PDGFRB: variants seen among roughly 807,000 people sequenced by gnomAD.
The protein encoded by PDGFRB is platelet-derived growth factor receptor beta.
A neutral mutation model predicts 120.2 loss-of-function variants in PDGFRB; 42 were observed. The observed-to-expected ratio is 0.35, with a 90% CI of 0.27 to 0.45. PDGFRB has a LOEUF of 0.45. Among genes scored for constraint, PDGFRB ranks in the 20% least tolerant of loss-of-function variants. PDGFRB has a pLI of 1.00. For missense variants in PDGFRB, 1,149 were observed against 1,476.3 expected (o/e 0.78, Z 3.63); for synonymous variants, 586 against 606.8 (o/e 0.97, Z 0.50).
At chr5:150,130,836 C>T (rs1381222916) in intron 8 of PDGFRB, among the ~76,000 whole-genome samples, 174 bp from the exon 9 acceptor site, 2 of 152,126 alleles carry the variant, frequency 1.3e-5, no homozygotes, top group Non-Finnish European at 2.9e-5. Context: ...CTTCTGGGTA[C>T]TTCAAAGGGA....
At chr5:150,148,980 G>A (rs1761000459) in intron 1 of PDGFRB, among the ~76,000 whole-genome samples, 1 of 152,188 alleles carries the variant, frequency 6.6e-6, no homozygotes, top group South Asian at 2.1e-4. Context: ...GTAGGTGATG[G>A]CCTGGGAAGG....
At chr5:150,135,437 GTCTGCTTT>G in intron 3 of PDGFRB, 110 bp downstream of exon 3, 1 of 732,636 alleles carries the variant, frequency 1.4e-6, no homozygotes, top group Non-Finnish European at 2.3e-6. Flanking sequence ...TTCCATGATT[GTCTGCTTT>G]TCTAGGATGG....
rs919555441 is a variant in PDGFRB at position 150,120,682 on chromosome 5, A to G, written c.2586+206T>C. On this transcript the variant is annotated intron_variant, in intron 18 of 22. Transcript: ENST00000261799. This position sits in a 1 kb window ranked among gnomAD's most constrained non-coding sequence, Gnocchi z 4.3. ...TATAGCCAGCCCTCCCCGCCGCTAT[A>G]CTTGCTCCATGCACTCCTGGGCGGC... Among the ~76,000 whole-genome samples, 7 of 151,862 alleles carry G rather than the reference A, an allele frequency of 4.6e-5. No individual in the cohort carries two copies. The highest frequency in any genetic ancestry group is 2.0e-4 in the Admixed American group (3 of 15,262).
At chr5:150,152,729 T>C (rs947977535) in intron 1 of PDGFRB, among the ~76,000 whole-genome samples, 1 of 152,204 alleles carries the variant, frequency 6.6e-6, no homozygotes, top group African/African-American at 2.4e-5. Flanking sequence ...TCCAGGTCCC[T>C]TCTGTGGGCA....
intron 2 of PDGFRB, 48 bp from the exon 3 acceptor site, chr5:150,135,926 C>T (rs878897152): frequency 3.6e-6 from 5 of 1,380,454 alleles, no homozygotes; most frequent in Non-Finnish European, 3.9e-6. Flanking sequence ...GCTTCAGCAC[C>T]TCTCCCAAGG....
At chr5:150,124,942 C>T (rs938662767) in intron 12 of PDGFRB, 111 bp from the exon 13 acceptor site, 2 of 597,756 alleles carry the variant, frequency 3.3e-6, no homozygotes, top group African/African-American at 1.9e-5. Context: ...CCCTTCCTGC[C>T]CAGTGAGGGG....
At chr5:150,150,719 C>T (rs1042510829) in intron 1 of PDGFRB, among the ~76,000 whole-genome samples, 7 of 152,068 alleles carry the variant, frequency 4.6e-5, no homozygotes, top group African/African-American at 1.4e-4. Context: ...AGTGGGCTTC[C>T]ACACTGGAAG....
intron 10 of PDGFRB, among the ~76,000 whole-genome samples, chr5:150,128,799 T>G (rs948755968): frequency 2.6e-5 from 4 of 152,252 alleles, no homozygotes; most frequent in African/African-American, 9.6e-5. Flanking sequence ...CGGAGGGAAT[T>G]GCCAAGTTCC....
In PDGFRB at chr5:150,151,972, G is replaced by A. The variant is rs746611382; in HGVS notation, c.-7+3425C>T. Among the ~76,000 whole-genome samples, 21 of 151,168 alleles carry A rather than the reference G, an allele frequency of 1.4e-4. 1 individual carries two copies. The highest frequency in any genetic ancestry group is 1.4e-3 in the Admixed American group (21 of 15,156). On this transcript the variant is annotated intron_variant, in intron 1 of 22. Transcript: ENST00000261799. Reference sequence around the variant, plus strand: ...TTTTTTGAGACAGTCTTGCCCTGTCGCTTAGGCTCACTGCAATCTCCGCCT... The same window carrying A: ...TTTTTTGAGACAGTCTTGCCCTGTCACTTAGGCTCACTGCAATCTCCGCCT...
Position 150,120,008 on chromosome 5 carries a change from A to T in PDGFRB, c.2698+4T>A. 7.0e-7 allele frequency: 1 copy of T among 1,438,652 alleles called. No individual in the cohort carries two copies. The highest frequency in any genetic ancestry group is 9.8e-7 in the Non-Finnish European group (1 of 1,019,612). 89.1% of individuals were successfully genotyped at this position (1,438,652 alleles called of 1,614,324 possible). A position where few individuals can be genotyped will look rare whatever the true frequency, so the allele number is the denominator to read the frequency against. ...CTGAGGGCTGGAGGAGGAAGCAAGC[A>T]TACCCAAGGTGAAGATCTCCCAGAG... On this transcript the variant is annotated splice_donor_region_variant and intron_variant, in intron 19 of 22. Transcript: ENST00000261799. The surrounding 1 kb of genome is among the most constrained non-coding windows in gnomAD (Gnocchi z 4.3).
At chr5:150,125,376 C>G in intron 12 of PDGFRB, 69 bp downstream of exon 12, 1 of 1,425,890 alleles carries the variant, frequency 7.0e-7, no homozygotes, top group Non-Finnish European at 9.6e-7. Context: ...AGGCTGGGAC[C>G]AGACCTCAGA....
At chr5:150,118,035 A>G (rs1225852388) in intron 21 of PDGFRB, among the ~76,000 whole-genome samples, 185 bp from the exon 22 acceptor site, 1 of 152,160 alleles carries the variant, frequency 6.6e-6, no homozygotes, top group African/African-American at 2.4e-5. Context: ...CTTACAAGGC[A>G]TGGTGAGCTC....
chr5:150,145,041 C>T (rs1760883440), intron 1 of PDGFRB, among the ~76,000 whole-genome samples: 1 of 152,206 alleles, frequency 6.6e-6, no homozygotes, highest in Non-Finnish European at 1.5e-5. Flanking sequence ...GTGAAACATC[C>T]ACCTCCTTCC....
chr5:150,129,194 C>T (rs1031416501), intron 10 of PDGFRB, among the ~76,000 whole-genome samples: 3 of 152,226 alleles, frequency 2.0e-5, no homozygotes, highest in African/African-American at 7.2e-5. Flanking sequence ...ATTGTACATG[C>T]ATTGCTTGTA....
chr5:150,145,030 T>C (rs1279835267), intron 1 of PDGFRB, among the ~76,000 whole-genome samples: 2 of 152,228 alleles, frequency 1.3e-5, no homozygotes, highest in African/African-American at 2.4e-5. Flanking sequence ...GTTCCACACA[T>C]GTGAAACATC....
In PDGFRB at chr5:150,129,849, C is replaced by T. The variant is rs773284031; in HGVS notation, c.1487G>A (p.Arg496His). 2.8e-5 allele frequency: 45 copies of T among 1,614,022 alleles called. No homozygotes were observed. Among genetic ancestry groups the T allele is most frequent in the Admixed American group, 3.3e-5 (2 of 60,014 alleles). Residue 496 changes from arginine to histidine, a missense_variant, in exon 10 of 23, where the codon CGT (arginine) becomes CAT (histidine). Arg to His is a conservative substitution (Grantham distance 29). Around this residue, in one of 3 missense-constraint regions of PDGFRB, gnomAD observed 879 missense variants for 1,108.6 expected, o/e 0.79. Coordinates refer to ENST00000261799, the MANE Select transcript of PDGFRB (RefSeq NM_002609.4). ...EQEFEVVSTL[R>H]LQHVDRPLSV... ...CAGTGGCCGATCCACGTGCTGCAGACGCAGTGTGCTCACCACCTCAAACTC... is the reference window on the plus strand; with the variant it reads ...CAGTGGCCGATCCACGTGCTGCAGATGCAGTGTGCTCACCACCTCAAACTC...
Position 150,121,956 on chromosome 5 carries a change from G to A in PDGFRB, c.2268C>T (p.Asp756=), listed in dbSNP as rs56112987. Residue 756 remains aspartate (D), a synonymous_variant, in exon 16 of 23, where the codon GAC becomes GAT. Transcript: ENST00000261799. This position sits in a 1 kb window ranked among gnomAD's most constrained non-coding sequence, Gnocchi z 4.1. The part of the protein sequence containing the change: ...DESVDYVPML[D]MKGDVKYADI... The stretch of plus-strand genomic sequence containing the variant: ...CTGCATATTTGACGTCTCCTTTCAT[G>A]TCCAGCATGGGCACATAGTCCACCG... The A allele has an allele frequency of 5.2e-5, 84 of 1,613,172 alleles. No homozygotes were observed. In the Middle Eastern group the frequency reaches 1.3e-3, roughly 25 times the overall value.
chr5:150,136,709 G>T (rs1760642778), intron 2 of PDGFRB, among the ~76,000 whole-genome samples: 1 of 152,168 alleles, frequency 6.6e-6, no homozygotes, highest in Non-Finnish European at 1.5e-5. Context: ...AGATCCACCA[G>T]ACCGAGGATA....
At chr5:150,119,950 A>C in intron 19 of PDGFRB, 62 bp downstream of exon 19, 1 of 863,402 alleles carries the variant, frequency 1.2e-6, no homozygotes, top group East Asian at 2.4e-5. Context: ...GGCCAGAGGC[A>C]TGAGTGGTCG....
Sources: allele counts gnomAD v4.1 joint callset (sites outside exome capture counted in the v4.1 genomes callset), GRCh38; gene constraint gnomAD v4.1.1; regional missense constraint gnomAD v4.1.1; non-coding constraint Gnocchi (gnomAD v3.1); transcripts MANE v1.5; gene names NCBI Gene and HGNC (gene_info 2026-07-23, HGNC 2026-07-21).